Variants in SARDH observed in about 807,000 individuals in gnomAD.
SARDH encodes the protein sarcosine dehydrogenase, mitochondrial.
A neutral mutation model predicts 109.1 loss-of-function variants in SARDH; 95 were observed. The ratio of observed to expected loss-of-function variants is 0.87; its 90% CI spans 0.74 to 1.03. SARDH has a LOEUF of 1.03. SARDH is among the 50% of genes least tolerant of loss of function. The pLI is 0.00. For synonymous variants in SARDH, 572 were observed against 534.8 expected, an observed-to-expected ratio of 1.07 and a Z score of -0.96; for missense variants, 1,267 against 1,287.8, an observed-to-expected ratio of 0.98 and a Z score of 0.25.
In SARDH at chr9:133,712,710, C is replaced by T; in HGVS notation, c.1238-1G>A. On this transcript the variant is annotated splice_acceptor_variant, in intron 9 of 20. Transcript: ENST00000439388. LOFTEE classifies it high-confidence loss of function. The surrounding 1 kb of genome is among the most constrained non-coding windows in gnomAD (Gnocchi z 4.1). ...CCACAGCCACCACCCAGCATCATTC[C>T]TGGCAGGAAGAGAAGCGCAGGGCTG... The T allele has an allele frequency of 6.2e-7, 1 of 1,608,120 alleles. No homozygotes were observed. The highest frequency in any genetic ancestry group is 8.5e-7 in the Non-Finnish European group (1 of 1,179,900).
chr9:133,721,201 G>C lies in SARDH; in HGVS notation c.916-2159C>G, dbSNP rs183594099. 1.0e-3 allele frequency among the ~76,000 whole-genome samples: 158 copies of C among 152,298 alleles called. 1 individual carries two copies. The Middle Eastern group carries it at 0.017, about 17-fold the overall frequency. Reference sequence around the variant, plus strand: ...GAGTGCCCACCAAGCCCTGAGTCTGGACAGAGGCCTGCACCAAGGCCACGC... The same window carrying C: ...GAGTGCCCACCAAGCCCTGAGTCTGCACAGAGGCCTGCACCAAGGCCACGC... On this transcript the variant is annotated intron_variant, in intron 6 of 20. Transcript: ENST00000439388.
intron 13 of SARDH, among the ~76,000 whole-genome samples, chr9:133,701,959 A>G (rs1166514771): frequency 1.3e-5 from 2 of 152,204 alleles, no homozygotes; most frequent in Admixed American, 6.5e-5. Flanking sequence ...CTTCAAGGCA[A>G]CGGACGACCG....
intron 13 of SARDH, among the ~76,000 whole-genome samples, chr9:133,700,735 GCGCA>G (rs777372328): frequency 2.1e-4 from 12 of 58,002 alleles, no homozygotes; most frequent in African/African-American, 5.5e-4. Flanking sequence ...ACACACGCAC[GCGCA>G]CACACACACA....
intron 17 of SARDH, among the ~76,000 whole-genome samples, chr9:133,677,284 G>C (rs999296155): frequency 6.6e-6 from 1 of 152,160 alleles, no homozygotes; most frequent in African/African-American, 2.4e-5. Context: ...CATCCTCCAG[G>C]GGTGAGAGGA....
At chr9:133,735,811 A>C (rs1280960952) in intron 1 of SARDH, among the ~76,000 whole-genome samples, 1 of 152,232 alleles carries the variant, frequency 6.6e-6, no homozygotes, top group South Asian at 2.1e-4. Context: ...GGGGAGGCCG[A>C]GGCAGGCGGA....
chr9:133,709,016 TCAGA>T lies in SARDH; in HGVS notation c.1329-592_1329-589del, dbSNP rs370310102. On this transcript the variant is annotated intron_variant, in intron 10 of 20. Coordinates refer to ENST00000439388, the MANE Select transcript of SARDH (RefSeq NM_001134707.2). The surrounding 1 kb of genome is among the most constrained non-coding windows in gnomAD (Gnocchi z 4.2). ...CCCAAAGCTGGGCCTCGTCTGTGGG[TCAGA>T]CCAGGGACCCAAGAGGTACAGAGTC... is the stretch of plus-strand genomic sequence containing the variant. Among the ~76,000 whole-genome samples, 598 of 152,234 alleles carry T rather than the reference TCAGA, an allele frequency of 3.9e-3. 6 individuals carry two copies. Among genetic ancestry groups the T allele is most frequent in the African/African-American group, 0.013 (556 of 41,532 alleles).
chr9:133,661,272 G>A (rs911429220), downstream of SARDH, among the ~76,000 whole-genome samples: 4 of 151,698 alleles, frequency 2.6e-5, no homozygotes, highest in African/African-American at 9.7e-5. Flanking sequence ...CCTGGGAGGT[G>A]GAGGTTGTAG....
intron 17 of SARDH, among the ~76,000 whole-genome samples, chr9:133,680,985 C>T (rs1041450092): frequency 6.6e-6 from 1 of 152,246 alleles, no homozygotes; most frequent in Non-Finnish European, 1.5e-5. Context: ...TGGGAATGAC[C>T]CCACAGAGCC....
chr9:133,731,182 C>G, intron 4 of SARDH, 123 bp downstream of exon 4: 1 of 1,309,622 alleles, frequency 7.6e-7, no homozygotes, highest in Non-Finnish European at 1.0e-6. Context: ...GAGGTCCTCA[C>G]TGGCCCAAAG....
downstream of SARDH, among the ~76,000 whole-genome samples, chr9:133,661,388 G>A (rs1166438773): frequency 4.6e-5 from 7 of 151,592 alleles, no homozygotes; most frequent in Non-Finnish European, 7.4e-5. Flanking sequence ...ACCTTTCTGC[G>A]TCCCATTCAT....
chr9:133,705,089 G>A, intron 11 of SARDH, 58 bp from the exon 12 acceptor site: 1 of 1,493,390 alleles, frequency 6.7e-7, no homozygotes, highest in Non-Finnish European at 9.1e-7. Flanking sequence ...CCTGCGCAGG[G>A]CAGAGAGCCA....
At chr9:133,694,861 G>A (rs973526251) in intron 14 of SARDH, among the ~76,000 whole-genome samples, 1 of 152,170 alleles carries the variant, frequency 6.6e-6, no homozygotes, top group African/African-American at 2.4e-5. Context: ...AGCAGAAGGG[G>A]GAACAGATGT....
intron 19 of SARDH, among the ~76,000 whole-genome samples, chr9:133,669,301 TC>T (rs1417737042): frequency 1.5e-4 from 4 of 25,950 alleles, no homozygotes; most frequent in Admixed American, 4.8e-4. Context: ...ACCCTCCCTC[TC>T]CCCTCATCCT....
chr9:133,726,131 T>C (rs1378349815), intron 6 of SARDH, among the ~76,000 whole-genome samples: 1 of 151,986 alleles, frequency 6.6e-6, no homozygotes, highest in Non-Finnish European at 1.5e-5. Context: ...CCCAGGACTT[T>C]AGGAGTCTGA....
chr9:133,692,913 C>G lies in SARDH; in HGVS notation c.1921+1345G>C, dbSNP rs150132029. On this transcript the variant is annotated intron_variant, in intron 15 of 20. Transcript: ENST00000439388. This position sits in a 1 kb window ranked among gnomAD's most constrained non-coding sequence, Gnocchi z 5.0. Reference sequence around the variant, plus strand: ...CGCACCCCATAGGACCCCTCACTCACGCTCTCAGCCTCATCTCCGCCACCA... The same window carrying G: ...CGCACCCCATAGGACCCCTCACTCAGGCTCTCAGCCTCATCTCCGCCACCA... Among the ~76,000 whole-genome samples the G allele has an allele frequency of 6.6e-6, 1 of 152,280 alleles. No individual in the cohort carries two copies. Among genetic ancestry groups the G allele is most frequent in the Non-Finnish European group, 1.5e-5 (1 of 68,012 alleles).
intron 2 of SARDH, among the ~76,000 whole-genome samples, chr9:133,733,497 C>A (rs1832756216): frequency 6.6e-6 from 1 of 152,212 alleles, no homozygotes; most frequent in Admixed American, 6.5e-5. Context: ...TGGTCCCCGT[C>A]CGTCCTTCTC....
rs376636689 is a variant in SARDH at position 133,708,297 on chromosome 9, G to T, written c.1460C>A (p.Pro487Gln). The T allele has an allele frequency of 3.7e-6, 6 of 1,612,556 alleles. No homozygotes were observed. Among genetic ancestry groups the T allele is most frequent in the Non-Finnish European group, 4.2e-6 (5 of 1,179,364 alleles). Residue 487 changes from proline to glutamine, a missense_variant, in exon 11 of 21, where the codon CCG becomes CAG. Coordinates refer to ENST00000439388, the MANE Select transcript of SARDH (RefSeq NM_001134707.2). ...CTGTAGGGGCGTTACCTCGTGCAGC[G>T]GGTCTCTCCTCATGTTGCGCCCGGC... ...PLAGRNMRRD[P>Q]LHEELLGQGC...
chr9:133,700,371 AG>A (rs1223438095), intron 13 of SARDH, among the ~76,000 whole-genome samples: 1 of 152,142 alleles, frequency 6.6e-6, no homozygotes, highest in African/African-American at 2.4e-5. Flanking sequence ...TAAAAAAAAA[AG>A]GAATGAAGTG....
chr9:133,666,991 T>C lies in SARDH; in HGVS notation c.2496-121A>G. 7.4e-7 allele frequency: 1 copy of C among 1,358,164 alleles called. No individual in the cohort carries two copies. The highest frequency in any genetic ancestry group is 1.0e-6 in the Non-Finnish European group (1 of 980,382). The allele number at this position is 1,358,164 out of a possible 1,614,324, so 84.1% of individuals were successfully genotyped here. On this transcript the variant is annotated intron_variant, in intron 19 of 20. Coordinates refer to ENST00000439388, the MANE Select transcript of SARDH (RefSeq NM_001134707.2). This position sits in a 1 kb window ranked among gnomAD's most constrained non-coding sequence, Gnocchi z 5.2. ...ACACCCAACCGTGGCTCCAGGCAGA[T>C]AGGGCTGGCCTACTAGGACTACGCT...
Sources: allele counts gnomAD v4.1 joint callset (sites outside exome capture counted in the v4.1 genomes callset), GRCh38; gene constraint gnomAD v4.1.1; non-coding constraint Gnocchi (gnomAD v3.1); transcripts MANE v1.5; gene names NCBI Gene and HGNC (gene_info 2026-07-23, HGNC 2026-07-21).